The following RSF1 variants were observed in gnomAD, a reference collection of about 807,000 sequenced individuals.
RSF1 encodes HBV pX-associated protein 8.
Under a neutral mutation model 145.2 loss-of-function variants are expected in RSF1, and 13 were observed. That is an observed-to-expected ratio of 0.09 (90% CI 0.06 to 0.14). The LOEUF (loss-of-function observed/expected upper bound fraction) is 0.14, where lower values mean the gene tolerates loss of function less well. RSF1 is among the 10% of genes least tolerant of loss of function. RSF1 has a pLI of 1.00. For missense variants in RSF1, 1,517 were observed against 1,718.2 expected (o/e 0.88, Z 2.07); for synonymous variants, 577 against 592.6 (o/e 0.97, Z 0.38).
intron 11 of RSF1, among the ~76,000 whole-genome samples, chr11:77,680,135 T>C (rs1469270253): frequency 6.6e-6 from 1 of 152,048 alleles, no homozygotes; most frequent in Admixed American, 6.6e-5. Context: ...ACACAATGGA[T>C]TAACAACAGC....
At chr11:77,675,394 C>T (rs1959675350) in intron 13 of RSF1, 138 bp from the exon 14 acceptor site, 1 of 646,458 alleles carries the variant, frequency 1.5e-6, no homozygotes, top group Non-Finnish European at 2.5e-6. Context: ...GTATCAAATG[C>T]CCTATTTATA....
intron 1 of RSF1, among the ~76,000 whole-genome samples, chr11:77,766,203 T>G (rs369787353): frequency 1.3e-5 from 2 of 152,228 alleles, no homozygotes. Flanking sequence ...TTCGCCCTTA[T>G]GTGCATTGTG....
intron 1 of RSF1, among the ~76,000 whole-genome samples, chr11:77,805,792 C>CA (rs1408893235): frequency 6.6e-6 from 1 of 152,072 alleles, no homozygotes; most frequent in Non-Finnish European, 1.5e-5. Flanking sequence ...TGTAAGTTAC[C>CA]AGACTTCTGA....
chr11:77,838,815 A>C, the RSF1 span, among the ~76,000 whole-genome samples: 2 of 151,890 alleles, frequency 1.3e-5, no homozygotes, highest in African/African-American at 2.4e-5. Context: ...ACGGAGTTTC[A>C]CCGTGTTAGC....
At chr11:77,814,655 A>T (rs1948765091) in intron 1 of RSF1, among the ~76,000 whole-genome samples, 1 of 152,170 alleles carries the variant, frequency 6.6e-6, no homozygotes. Flanking sequence ...CATGTTCGCC[A>T]GGCTGGTCTC....
intron 3 of RSF1, among the ~76,000 whole-genome samples, chr11:77,743,693 T>G (rs952092294): frequency 6.6e-6 from 1 of 152,218 alleles, no homozygotes; most frequent in Non-Finnish European, 1.5e-5. Flanking sequence ...TCCTTTCCAA[T>G]TCAGATGACT....
chr11:77,677,145 C>G lies in RSF1; in HGVS notation c.3134-146G>C, dbSNP rs537928011. 168 of 650,802 alleles carry G rather than the reference C, an allele frequency of 2.6e-4. 1 individual carries two copies. The South Asian group carries it at 3.4e-3, about 13-fold the overall frequency. The allele number at this position is 650,802 out of a possible 1,614,324, so 40.3% of individuals were successfully genotyped here. A position where few individuals can be genotyped will look rare whatever the true frequency, so the allele number is the denominator to read the frequency against. ...CAACAAATATGCAGTTTTCTTATGA[C>G]TTCAGCTGACAGAGGTCTCAGAGTT... On this transcript the variant is annotated intron_variant, in intron 12 of 15. Transcript: ENST00000308488.
chr11:77,722,981 T>A (rs990458187), intron 5 of RSF1, among the ~76,000 whole-genome samples: 1 of 152,248 alleles, frequency 6.6e-6, no homozygotes, highest in African/African-American at 2.4e-5. Flanking sequence ...TTTCTATTAT[T>A]CTGACCTTGG....
At chr11:77,784,338 CTA>C (rs747985201) in intron 1 of RSF1, among the ~76,000 whole-genome samples, 18 of 151,912 alleles carry the variant, frequency 1.2e-4, no homozygotes, top group Non-Finnish European at 2.1e-4. Context: ...TCTAGAAGTT[CTA>C]TATGTTTATT....
chr11:77,819,298 G>A (rs1948813612), intron 1 of RSF1, among the ~76,000 whole-genome samples: 1 of 152,238 alleles, frequency 6.6e-6, no homozygotes, highest in African/African-American at 2.4e-5. Flanking sequence ...TCCAGATAAA[G>A]GCAATGCTCA....
chr11:77,855,493 C>CTTT, the RSF1 span: 1 of 191,958 alleles, frequency 5.2e-6, no homozygotes, highest in Non-Finnish European at 1.1e-5. Context: ...GTAACTTTTT[C>CTTT]TTTTTTTTTG....
intron 1 of RSF1, among the ~76,000 whole-genome samples, chr11:77,792,094 G>C (rs1215112677): frequency 6.6e-6 from 1 of 152,108 alleles, no homozygotes; most frequent in African/African-American, 2.4e-5. Context: ...ACATGGCTGG[G>C]GAGGCTTCAC....
upstream of RSF1, chr11:77,821,131 A>T: frequency 2.4e-6 from 1 of 413,648 alleles, no homozygotes; most frequent in Non-Finnish European, 4.3e-6. Context: ...TGCAGGGCGT[A>T]TTCCCGGAGG....
the RSF1 span, among the ~76,000 whole-genome samples, chr11:77,848,143 C>T: frequency 6.6e-6 from 1 of 152,130 alleles, no homozygotes; most frequent in Non-Finnish European, 1.5e-5. Flanking sequence ...GTCTGTAGTC[C>T]AGTTGAGCTG....
chr11:77,733,424 C>T (rs4945205), intron 4 of RSF1, among the ~76,000 whole-genome samples: 27,134 of 151,888 alleles, frequency 0.18, 3,025 homozygotes, highest in African/African-American at 0.3. Flanking sequence ...ATACTTGGTA[C>T]AAAAGTACTT....
chr11:77,820,789 CT>C, upstream of RSF1: 1 of 1,444,278 alleles, frequency 6.9e-7, no homozygotes. Flanking sequence ...GCAAGGCAAC[CT>C]TACAGACGAC....
At chr11:77,780,748 C>G (rs2135956092) in intron 1 of RSF1, among the ~76,000 whole-genome samples, 1 of 150,938 alleles carries the variant, frequency 6.6e-6, no homozygotes, top group East Asian at 2.0e-4. Flanking sequence ...TGGCTTGAAC[C>G]CAGGAAGCAG....
At chr11:77,796,254 A>C (rs186867523) in intron 1 of RSF1, among the ~76,000 whole-genome samples, 1 of 152,302 alleles carries the variant, frequency 6.6e-6, no homozygotes, top group African/African-American at 2.4e-5. Flanking sequence ...CAATGTGAAA[A>C]TCCTCAATAC....
At chr11:77,769,991 G>C (rs554339131) in intron 1 of RSF1, among the ~76,000 whole-genome samples, 2 of 152,108 alleles carry the variant, frequency 1.3e-5, no homozygotes, top group African/African-American at 4.8e-5. Flanking sequence ...CTCTCTTGGG[G>C]GAGCAGTTTT....
Sources: gnomAD v4.1 joint callset for allele counts (sites outside exome capture counted in the v4.1 genomes callset) on GRCh38, gnomAD v4.1.1 for gene constraint, MANE v1.5 for transcripts, NCBI Gene and HGNC (gene_info 2026-07-23, HGNC 2026-07-21) for gene names.